The following ARFGEF3 variants were observed in gnomAD, a reference collection of about 807,000 sequenced individuals.
ARFGEF3 encodes ARFGEF family member 3.
In ARFGEF3, 96 loss-of-function variants were observed where a neutral mutation model predicts 221.7. The ratio of observed to expected loss-of-function variants is 0.43; its 90% CI spans 0.37 to 0.51. ARFGEF3 has a LOEUF of 0.51. Ranked by LOEUF, ARFGEF3 falls within the 20% of genes least tolerant of loss-of-function variation. The pLI, the probability that ARFGEF3 is intolerant of heterozygous loss-of-function variation, is 0.00. For missense variants in ARFGEF3, 2,410 were observed against 2,789.9 expected (o/e 0.86, Z 3.07); for synonymous variants, 1,145 against 1,126.8 (o/e 1.02, Z -0.32).
At chr6:138,220,221 TC>T (rs2114517019) in intron 4 of ARFGEF3, among the ~76,000 whole-genome samples, 1 of 152,292 alleles carries the variant, frequency 6.6e-6, no homozygotes, top group East Asian at 1.9e-4. Flanking sequence ...CAGGCTGGTC[TC>T]GAACTCCTGT....
chr6:138,288,887 T>C (rs917818946), intron 17 of ARFGEF3, among the ~76,000 whole-genome samples: 1 of 152,238 alleles, frequency 6.6e-6, no homozygotes, highest in Non-Finnish European at 1.5e-5. Flanking sequence ...GGTTTGGCCT[T>C]GCCTTAGCAT....
rs549384705 is a variant in ARFGEF3 at position 138,264,144 on chromosome 6, C to T, written c.2128+533C>T. Among the ~76,000 whole-genome samples the T allele has an allele frequency of 5.3e-5, 8 of 152,258 alleles. 1 individual carries two copies. Among genetic ancestry groups the T allele is most frequent in the Admixed American group, 5.2e-4 (8 of 15,292 alleles). On this transcript the variant is annotated intron_variant, in intron 12 of 33. Transcript: ENST00000251691. ...ATTCTCCCATCTCAGATCCTTCCAT[C>T]TGTTGAATTGTGACTCAGACCGTAA... is the stretch of plus-strand genomic sequence containing the variant.
rs896606020 is a variant in ARFGEF3 at position 138,286,959 on chromosome 6, C to T, written c.2785+43C>T. The T allele has an allele frequency of 3.7e-6, 6 of 1,603,620 alleles. No homozygotes were observed. In the African/African-American group the frequency reaches 8.0e-5, roughly 21 times the overall value. The stretch of plus-strand genomic sequence containing the variant: ...GTTCCCTGGCCGTGGTCCTGCAGAA[C>T]TCACTGGGAATGACCCAGCAGGGTG... On this transcript the variant is annotated intron_variant, in intron 16 of 33. Coordinates refer to ENST00000251691, the MANE Select transcript of ARFGEF3 (RefSeq NM_020340.5).
intron 4 of ARFGEF3, among the ~76,000 whole-genome samples, chr6:138,226,166 T>C (rs931070113): frequency 1.3e-5 from 2 of 152,162 alleles, no homozygotes; most frequent in Non-Finnish European, 2.9e-5. Context: ...TGGGAGAGGA[T>C]TAATTCAGGA....
intron 25 of ARFGEF3, 88 bp downstream of exon 25, chr6:138,311,598 G>A (rs546892176): frequency 1.2e-6 from 1 of 840,978 alleles, no homozygotes; most frequent in African/African-American, 1.7e-5. Flanking sequence ...TTTTGCTGAA[G>A]CCCGAGAGAG....
Position 138,317,358 on chromosome 6 carries a change from A to G in ARFGEF3, c.4453A>G (p.Arg1485Gly). ...TCTGGATTTACTCTTTGAGCTGTTGAGAGATGTGACGAAAACACCAGGTAA... is the reference window on the plus strand; with the variant it reads ...TCTGGATTTACTCTTTGAGCTGTTGGGAGATGTGACGAAAACACCAGGTAA... The part of the protein sequence containing the change: ...PTLDLLFELL[R>G]DVTKTPGPGF... The change falls in exon 27 of 34, where the codon AGA becomes GGA. Residue 1485 changes from arginine (R) to glycine (G), a missense_variant. Physicochemically the swap from Arg to Gly is moderately radical, Grantham distance 125. Around this residue, in one of 5 missense-constraint regions of ARFGEF3, gnomAD observed 723 missense variants for 991.9 expected, o/e 0.73. Transcript: ENST00000251691. 2 of 1,613,996 alleles carry G rather than the reference A, an allele frequency of 1.2e-6. No homozygotes were observed. Among genetic ancestry groups the G allele is most frequent in the Non-Finnish European group, 1.7e-6 (2 of 1,179,898 alleles).
intron 29 of ARFGEF3, among the ~76,000 whole-genome samples, chr6:138,322,988 G>A (rs1780061139): frequency 6.6e-6 from 1 of 151,350 alleles, no homozygotes; most frequent in Non-Finnish European, 1.5e-5. Flanking sequence ...GCATGGGGGA[G>A]GTGGGGACTT....
chr6:138,277,792 A>G (rs1301268509), intron 12 of ARFGEF3, among the ~76,000 whole-genome samples: 1 of 152,244 alleles, frequency 6.6e-6, no homozygotes, highest in South Asian at 2.1e-4. Context: ...AAAACTGGGT[A>G]GAATAAATGC....
At chr6:138,255,388 A>G in intron 9 of ARFGEF3, 48 bp from the exon 10 acceptor site, 1 of 1,391,752 alleles carries the variant, frequency 7.2e-7, no homozygotes, top group South Asian at 1.3e-5. Context: ...AGTAAATTTT[A>G]TCATTTGGCT....
Position 138,268,748 on chromosome 6 carries a change from C to T in ARFGEF3, c.2128+5137C>T, listed in dbSNP as rs76774561. Among the ~76,000 whole-genome samples, 668 of 152,314 alleles carry T rather than the reference C, an allele frequency of 4.4e-3. 6 individuals are homozygous for T. Among genetic ancestry groups the T allele is most frequent in the African/African-American group, 0.015 (626 of 41,562 alleles). On this transcript the variant is annotated intron_variant, in intron 12 of 33. Coordinates refer to ENST00000251691, the MANE Select transcript of ARFGEF3 (RefSeq NM_020340.5). ...ATTGATCAAGGGTCATCGGCACTGA[C>T]TTTGGATTGCTGTTCCTTAGAGTAG...
At position 138,291,599 on chromosome 6, in the gene ARFGEF3, T is replaced by C; in HGVS notation, c.3048-134T>C. Reference sequence around the variant, plus strand: ...GAGAACACAGGAGGGAAGGACTGACTGTCATCACAGGAAAGAGGAAAGCTG... The same window carrying C: ...GAGAACACAGGAGGGAAGGACTGACCGTCATCACAGGAAAGAGGAAAGCTG... On this transcript the variant is annotated intron_variant, in intron 18 of 33. Coordinates refer to ENST00000251691, the MANE Select transcript of ARFGEF3 (RefSeq NM_020340.5). This position sits in a 1 kb window ranked among gnomAD's most constrained non-coding sequence, Gnocchi z 4.5. 8.2e-6 allele frequency: 4 copies of C among 489,486 alleles called. No homozygotes were observed. Among genetic ancestry groups the C allele is most frequent in the Non-Finnish European group, 1.4e-5 (4 of 296,206 alleles). The allele number at this position is 489,486 out of a possible 1,614,324, so 30.3% of individuals were successfully genotyped here. A position where few individuals can be genotyped will look rare whatever the true frequency, so the allele number is the denominator to read the frequency against.
At chr6:138,190,024 C>T (rs1461891594) in intron 2 of ARFGEF3, among the ~76,000 whole-genome samples, 6 of 151,832 alleles carry the variant, frequency 4.0e-5, no homozygotes, top group Non-Finnish European at 7.4e-5. Context: ...GTTGAGGCTG[C>T]AGTGAACCAT....
At chr6:138,237,877 G>A (rs1014852497) in intron 5 of ARFGEF3, among the ~76,000 whole-genome samples, 4 of 152,182 alleles carry the variant, frequency 2.6e-5, no homozygotes, top group African/African-American at 9.7e-5. Flanking sequence ...GTGTCAATTC[G>A]AAGAGTCAGT....
intron 27 of ARFGEF3, among the ~76,000 whole-genome samples, 192 bp from the exon 28 acceptor site, chr6:138,319,511 C>T (rs1018432280): frequency 1.3e-5 from 2 of 151,982 alleles, no homozygotes; most frequent in Non-Finnish European, 2.9e-5. Flanking sequence ...GCTCACATAA[C>T]TAAAACCCCG....
intron 19 of ARFGEF3, among the ~76,000 whole-genome samples, chr6:138,293,252 G>T (rs949610614): frequency 6.6e-6 from 1 of 152,148 alleles, no homozygotes; most frequent in African/African-American, 2.4e-5. Context: ...GGCTCACCTG[G>T]CACATTGCTC....
Position 138,328,021 on chromosome 6 carries a change from G to C in ARFGEF3, c.5002G>C (p.Val1668Leu). 1 of 1,552,198 alleles carries C rather than the reference G, an allele frequency of 6.4e-7. No homozygotes were observed. ...YWRIRAMAQQ[V>L]FMLDTQCSPK... ...AATGTACCTTTGCACCCCCATACAG[G>C]TGTTTATGCTGGACACCCAGTGCTC... The change falls in exon 32 of 34, where the codon GTG (valine) becomes CTG (leucine). Residue 1668 changes from valine (V) to leucine (L), a missense_variant and splice_region_variant. Coordinates refer to ENST00000251691, the MANE Select transcript of ARFGEF3 (RefSeq NM_020340.5).
intron 22 of ARFGEF3, among the ~76,000 whole-genome samples, chr6:138,306,923 A>G (rs1025253799): frequency 2.6e-5 from 4 of 151,464 alleles, no homozygotes; most frequent in Non-Finnish European, 4.4e-5. Flanking sequence ...AATATTTGCA[A>G]ATTATATCTT....
At chr6:138,235,802 G>A (rs1778274594) in intron 5 of ARFGEF3, among the ~76,000 whole-genome samples, 1 of 152,056 alleles carries the variant, frequency 6.6e-6, no homozygotes, top group Non-Finnish European at 1.5e-5. Flanking sequence ...TCAAATACAT[G>A]GTAATTTTTA....
At chr6:138,250,974 G>A (rs1284839669) in intron 8 of ARFGEF3, among the ~76,000 whole-genome samples, 3 of 152,182 alleles carry the variant, frequency 2.0e-5, no homozygotes, top group Non-Finnish European at 2.9e-5. Flanking sequence ...GCGTACGTGC[G>A]TGTGTGTATC....
Sources: allele counts gnomAD v4.1 joint callset (sites outside exome capture counted in the v4.1 genomes callset), GRCh38; gene constraint gnomAD v4.1.1; regional missense constraint gnomAD v4.1.1; non-coding constraint Gnocchi (gnomAD v3.1); transcripts MANE v1.5; gene names NCBI Gene and HGNC (gene_info 2026-07-23, HGNC 2026-07-21).